The following FNDC3B variants were observed in gnomAD, a reference collection of about 807,000 sequenced individuals.
FNDC3B encodes fibronectin type III domain containing 3B.
FNDC3B carries 12 observed loss-of-function variants against 151.5 expected under a neutral mutation model. That is an observed-to-expected ratio of 0.08 (90% confidence interval 0.05 to 0.13). The LOEUF is 0.13. FNDC3B is among the 10% of genes least tolerant of loss of function. FNDC3B has a pLI of 1.00. For synonymous variants in FNDC3B, 528 were observed against 549.0 expected (o/e 0.96, Z 0.54); for missense variants, 1,214 against 1,505.3 (o/e 0.81, Z 3.20).
At chr3:172,230,572 A>C (rs1407227239) in intron 4 of FNDC3B, among the ~76,000 whole-genome samples, 1 of 152,140 alleles carries the variant, frequency 6.6e-6, no homozygotes, top group African/African-American at 2.4e-5. Flanking sequence ...AAATATGTAC[A>C]AACAATATGT....
intron 6 of FNDC3B, among the ~76,000 whole-genome samples, chr3:172,284,178 T>A (rs1729887446): frequency 6.6e-6 from 1 of 152,164 alleles, no homozygotes; most frequent in Admixed American, 6.5e-5. Context: ...AAATGGTGAT[T>A]TTGTCCTAGG....
chr3:172,057,736 T>G (rs760767604), intron 1 of FNDC3B, among the ~76,000 whole-genome samples: 5 of 151,366 alleles, frequency 3.3e-5, no homozygotes, highest in Non-Finnish European at 7.4e-5. Context: ...CTGATGAAAA[T>G]TAAAGGTCAG....
chr3:172,152,527 G>T (rs1029785558), intron 3 of FNDC3B, among the ~76,000 whole-genome samples: 1 of 146,826 alleles, frequency 6.8e-6, no homozygotes, highest in Non-Finnish European at 1.5e-5. Context: ...TTCACCTCCT[G>T]TTTCCTGTTT....
At chr3:172,328,439 A>G (rs1732467903) in intron 11 of FNDC3B, among the ~76,000 whole-genome samples, 1 of 152,244 alleles carries the variant, frequency 6.6e-6, no homozygotes, top group Non-Finnish European at 1.5e-5. Flanking sequence ...ACTGCATGGC[A>G]AGAAAGATAC....
intron 3 of FNDC3B, among the ~76,000 whole-genome samples, chr3:172,160,021 G>A (rs1722690371): frequency 6.6e-6 from 1 of 152,172 alleles, no homozygotes; most frequent in Admixed American, 6.5e-5. Flanking sequence ...GGGAAGGTGG[G>A]GGAGGCCGGC....
At chr3:172,134,706 G>A (rs937545997) in intron 3 of FNDC3B, among the ~76,000 whole-genome samples, 1 of 151,762 alleles carries the variant, frequency 6.6e-6, no homozygotes, top group African/African-American at 2.4e-5. Flanking sequence ...CAAGGCTAAT[G>A]AGTTTTAATT....
intron 3 of FNDC3B, among the ~76,000 whole-genome samples, chr3:172,164,861 A>G (rs1722935569): frequency 6.6e-6 from 1 of 152,232 alleles, no homozygotes; most frequent in Non-Finnish European, 1.5e-5. Flanking sequence ...GTTTATTTCC[A>G]GTTCCTGAAT....
intron 16 of FNDC3B, among the ~76,000 whole-genome samples, chr3:172,340,834 G>A (rs1733271516): frequency 6.6e-6 from 1 of 152,174 alleles, no homozygotes. Flanking sequence ...CTCCATGCCA[G>A]CGGCACGTTT....
chr3:172,141,062 G>C (rs1721603474), intron 3 of FNDC3B, among the ~76,000 whole-genome samples: 2 of 152,148 alleles, frequency 1.3e-5, no homozygotes, highest in South Asian at 4.1e-4. Flanking sequence ...GTACCTATCT[G>C]ATAGGATTGT....
chr3:172,159,307 G>A (rs1020523104), intron 3 of FNDC3B, among the ~76,000 whole-genome samples: 1 of 152,092 alleles, frequency 6.6e-6, no homozygotes, highest in Non-Finnish European at 1.5e-5. Context: ...GGGTATATTG[G>A]TGTGTGTCTG....
chr3:172,153,094 T>TG (rs1004859126), intron 3 of FNDC3B, among the ~76,000 whole-genome samples: 1 of 152,114 alleles, frequency 6.6e-6, no homozygotes, highest in African/African-American at 2.4e-5. Context: ...GATTGGTTGA[T>TG]GGGGTGTGCA....
chr3:172,224,112 G>A (rs1365545629), intron 3 of FNDC3B, among the ~76,000 whole-genome samples: 1 of 152,202 alleles, frequency 6.6e-6, no homozygotes, highest in African/African-American at 2.4e-5. Context: ...ATCAGCCCTT[G>A]AATTTCACAG....
chr3:172,088,624 A>G (rs9841707), intron 1 of FNDC3B, among the ~76,000 whole-genome samples: 100,862 of 152,100 alleles, frequency 0.66, 33,656 homozygotes, highest in East Asian at 0.79. Flanking sequence ...GTATTTTATA[A>G]GATGTATATT....
At chr3:172,066,693 A>G (rs1717516187) in intron 1 of FNDC3B, among the ~76,000 whole-genome samples, 1 of 152,250 alleles carries the variant, frequency 6.6e-6, no homozygotes, top group Non-Finnish European at 1.5e-5. Flanking sequence ...CTTGGGAGTT[A>G]GAAGAACATT....
chr3:172,371,731 C>T (rs1480235329), intron 23 of FNDC3B, among the ~76,000 whole-genome samples: 1 of 152,194 alleles, frequency 6.6e-6, no homozygotes, highest in East Asian at 1.9e-4. Context: ...GTGTTTGCAG[C>T]AACAGTTCTT....
chr3:172,266,580 G>A (rs1381704880), intron 6 of FNDC3B, among the ~76,000 whole-genome samples: 4 of 152,194 alleles, frequency 2.6e-5, no homozygotes, highest in African/African-American at 4.8e-5. Flanking sequence ...CAAGGTATTG[G>A]TAGGCCCGAG....
chr3:172,062,780 T>A (rs1717280057), intron 1 of FNDC3B, among the ~76,000 whole-genome samples: 1 of 152,134 alleles, frequency 6.6e-6, no homozygotes, highest in Admixed American at 6.5e-5. Context: ...CCATCCATCC[T>A]CTTCTCATTT....
At chr3:172,070,493 A>AG (rs1717720173) in intron 1 of FNDC3B, among the ~76,000 whole-genome samples, 1 of 152,206 alleles carries the variant, frequency 6.6e-6, no homozygotes, top group South Asian at 2.1e-4. Flanking sequence ...CTGGACATAC[A>AG]GTTGTTTGGG....
chr3:172,153,068 G>C (rs1253147085), intron 3 of FNDC3B, among the ~76,000 whole-genome samples: 2 of 152,148 alleles, frequency 1.3e-5, no homozygotes, highest in Non-Finnish European at 2.9e-5. Flanking sequence ...TGACTCATGG[G>C]TGTCGGGACC....
Sources: gnomAD v4.1 joint callset for allele counts (sites outside exome capture counted in the v4.1 genomes callset) on GRCh38, gnomAD v4.1.1 for gene constraint, MANE v1.5 for transcripts, NCBI Gene and HGNC (gene_info 2026-07-23, HGNC 2026-07-21) for gene names.